CEBPZ: variants seen among roughly 807,000 people sequenced by gnomAD.
The protein encoded by CEBPZ is CCAAT enhancer binding protein zeta.
A neutral mutation model predicts 104.5 loss-of-function variants in CEBPZ; 78 were observed. The ratio of observed to expected loss-of-function variants is 0.75; its 90% CI spans 0.62 to 0.90. The LOEUF (loss-of-function observed/expected upper bound fraction) is 0.90. Among genes scored for constraint, CEBPZ ranks in the 40% least tolerant of loss-of-function variants. The pLI is 0.00. For missense variants in CEBPZ, 1,439 were observed against 1,233.5 expected (o/e 1.17, Z -2.50); for synonymous variants, 470 against 427.0 (o/e 1.10, Z -1.24).
In CEBPZ at chr2:37,228,170, G is replaced by C; in HGVS notation, c.1023C>G (p.His341Gln). The C allele has an allele frequency of 6.2e-7, 1 of 1,614,224 alleles. No individual in the cohort carries two copies. The highest frequency in any genetic ancestry group is 8.5e-7 in the Non-Finnish European group (1 of 1,180,054). Residue 341 changes from histidine (H) to glutamine (Q), a missense_variant, in exon 2 of 16, where the codon CAC becomes CAG. Coordinates refer to ENST00000234170, the MANE Select transcript of CEBPZ (RefSeq NM_005760.3). ...ILWYFEHQLK[H>Q]LVAEFVQVLE... ...AGACCTGCACAAATTCAGCCACTAA[G>C]TGTTTCAGCTGGTGTTCAAAATACC...
chr2:37,205,564 C>G (rs1677508870), intron 13 of CEBPZ, among the ~76,000 whole-genome samples: 1 of 152,208 alleles, frequency 6.6e-6, no homozygotes, highest in Non-Finnish European at 1.5e-5. Context: ...CCCGCCTGCA[C>G]CCAGGTGAAA....
intron 1 of CEBPZ, 55 bp downstream of exon 1, chr2:37,231,357 C>A: frequency 6.2e-7 from 1 of 1,607,924 alleles, no homozygotes; most frequent in Non-Finnish European, 8.5e-7. Flanking sequence ...GTCAGCCTAG[C>A]CACCTTCGGA....
At chr2:37,217,399 TCAA>T (rs776641523) in intron 5 of CEBPZ, among the ~76,000 whole-genome samples, 10 of 151,886 alleles carry the variant, frequency 6.6e-5, no homozygotes, top group African/African-American at 9.7e-5. Context: ...AGACCCTATT[TCAA>T]CAACAACAAA....
At chr2:37,217,472 A>C (rs1664642863) in intron 5 of CEBPZ, among the ~76,000 whole-genome samples, 1 of 152,204 alleles carries the variant, frequency 6.6e-6, no homozygotes, top group Non-Finnish European at 1.5e-5. Context: ...TTCTCAAAAC[A>C]TATTGGTCTC....
At chr2:37,217,117 G>T in intron 5 of CEBPZ, 80 bp from the exon 6 acceptor site, 1 of 1,250,580 alleles carries the variant, frequency 8.0e-7, no homozygotes, top group Non-Finnish European at 1.2e-6. Context: ...AGAAAATCGG[G>T]CTGGGTGTGG....
chr2:37,231,329 C>A, intron 1 of CEBPZ, 83 bp downstream of exon 1: 1 of 1,595,008 alleles, frequency 6.3e-7, no homozygotes, highest in Non-Finnish European at 8.6e-7. Context: ...CTCTACGCAG[C>A]GCGGAAGCGG....
chr2:37,211,376 G>A, intron 12 of CEBPZ: 1 of 263,266 alleles, frequency 3.8e-6, no homozygotes, highest in South Asian at 1.3e-4. Context: ...TTCAGAATAA[G>A]TAAGAAGAAT....
In CEBPZ at chr2:37,216,391, G is replaced by A. The variant is rs1191712751; in HGVS notation, c.2236C>T (p.Pro746Ser). 1.2e-6 allele frequency: 2 copies of A among 1,613,460 alleles called. No homozygotes were observed. The highest frequency in any genetic ancestry group is 1.7e-6 in the Non-Finnish European group (2 of 1,179,728). Residue 746 changes from proline (P) to serine (S), a missense_variant, in exon 7 of 16, where the codon CCA becomes TCA. Pro to Ser is a moderately conservative substitution (Grantham distance 74). Coordinates refer to ENST00000234170, the MANE Select transcript of CEBPZ (RefSeq NM_005760.3). ...CTCATTAGAGTGAAATCCTGCAGTG[G>A]GTCCCCTGAATACTGAATATAGTTT... ...QGNYIQYSGD[P>S]LQDFTLMRFL...
chr2:37,226,247 G>GA (rs1228962270), intron 2 of CEBPZ, among the ~76,000 whole-genome samples: 1 of 151,938 alleles, frequency 6.6e-6, no homozygotes, highest in African/African-American at 2.4e-5. Context: ...CACCTTACGA[G>GA]AAACACCCAC....
intron 4 of CEBPZ, among the ~76,000 whole-genome samples, chr2:37,221,625 C>G (rs1360198353): frequency 6.6e-6 from 1 of 152,236 alleles, no homozygotes; most frequent in Non-Finnish European, 1.5e-5. Context: ...TTCCAACACA[C>G]AAGCTCTTCA....
In CEBPZ at chr2:37,214,968, T is replaced by A; in HGVS notation, c.2381-16A>T. 3 of 1,546,738 alleles carry A rather than the reference T, an allele frequency of 1.9e-6. No individual in the cohort carries two copies. The highest frequency in any genetic ancestry group is 2.7e-6 in the Non-Finnish European group (3 of 1,119,962). ...TTACTGTTCACTACAAAAATAAATT[T>A]AAACATTTTAACTTCATATAGCAAT... On this transcript the variant is annotated splice_polypyrimidine_tract_variant and intron_variant, in intron 8 of 15. Coordinates refer to ENST00000234170, the MANE Select transcript of CEBPZ (RefSeq NM_005760.3).
rs755091596 is a variant in CEBPZ at position 37,201,867 on chromosome 2, T to G, written c.3062A>C (p.Asp1021Ala). The G allele has an allele frequency of 6.2e-7, 1 of 1,613,976 alleles. No individual in the cohort carries two copies. The highest frequency in any genetic ancestry group is 8.5e-7 in the Non-Finnish European group (1 of 1,179,872). Residue 1021 changes from aspartate (D) to alanine (A), a missense_variant, in exon 16 of 16, where the codon GAC becomes GCC. Coordinates refer to ENST00000234170, the MANE Select transcript of CEBPZ (RefSeq NM_005760.3). ...TTTTGCATCTCTGTTGTGTAGCCAG[T>G]CATCACGTTCAGCCTCCCATCTAAG... ...KQLRWEAERD[D>A]WLHNRDAKSI...
chr2:37,224,285 G>T (rs1664832525), intron 2 of CEBPZ, among the ~76,000 whole-genome samples: 3 of 152,064 alleles, frequency 2.0e-5, no homozygotes, highest in Admixed American at 1.3e-4. Flanking sequence ...TCTATCCTAG[G>T]TGCTGAATCC....
chr2:37,215,139 A>G (rs1464954225), intron 8 of CEBPZ, among the ~76,000 whole-genome samples, 187 bp from the exon 9 acceptor site: 1 of 152,126 alleles, frequency 6.6e-6, no homozygotes, highest in Non-Finnish European at 1.5e-5. Context: ...GACCCCCCCA[A>G]CATTTGAAAC....
intron 5 of CEBPZ, among the ~76,000 whole-genome samples, chr2:37,217,901 C>CAAAA (rs58344885): frequency 7.2e-6 from 1 of 139,322 alleles, no homozygotes; most frequent in African/African-American, 2.7e-5. Context: ...GACTCTGTCT[C>CAAAA]AAAAAAAAAA....
chr2:37,216,022 G>C (rs547476337), intron 8 of CEBPZ, 118 bp downstream of exon 8: 1 of 688,312 alleles, frequency 1.5e-6, no homozygotes, highest in Non-Finnish European at 2.3e-6. Context: ...AAAAAAGATG[G>C]ATAATGTCTT....
At chr2:37,224,638 T>C (rs1664843293) in intron 2 of CEBPZ, among the ~76,000 whole-genome samples, 1 of 152,214 alleles carries the variant, frequency 6.6e-6, no homozygotes, top group African/African-American at 2.4e-5. Context: ...AAATTACATC[T>C]CACATCAACA....
Position 37,228,103 on chromosome 2 carries a change from G to A in CEBPZ, c.1090C>T (p.Arg364Ter). ...AGCTCATGAGCCACGGTAAGGGCTC[G>A]AGTTTTAGTGGTTACTAATGTATCA... ...SHDTLVTTKT[R>*]ALTVAHELLC... Residue 364 changes from arginine (R) to a stop codon, truncating the protein, a stop_gained, in exon 2 of 16, where the codon CGA becomes TGA. Transcript: ENST00000234170. LOFTEE classifies it high-confidence loss of function. The A allele has an allele frequency of 1.9e-6, 3 of 1,614,158 alleles. No homozygotes were observed. Among genetic ancestry groups the A allele is most frequent in the East Asian group, 2.2e-5 (1 of 44,892 alleles).
intron 13 of CEBPZ, among the ~76,000 whole-genome samples, chr2:37,207,066 A>C (rs1417214650): frequency 1.3e-5 from 2 of 152,220 alleles, no homozygotes; most frequent in Non-Finnish European, 2.9e-5. Flanking sequence ...GAGGGACATT[A>C]CATACTAGTA....
Sources: allele counts gnomAD v4.1 joint callset (sites outside exome capture counted in the v4.1 genomes callset), GRCh38; gene constraint gnomAD v4.1.1; transcripts MANE v1.5; gene names NCBI Gene and HGNC (gene_info 2026-07-23, HGNC 2026-07-21).